The following PURB variants were observed in gnomAD, a reference collection of about 807,000 sequenced individuals.
PURB encodes the protein transcriptional regulator protein Pur-beta.
In PURB, 11 loss-of-function variants were observed where a neutral mutation model predicts 21.1. That is an observed-to-expected ratio of 0.52 (90% CI 0.33 to 0.86). The LOEUF is 0.86. PURB is among the 40% of genes least tolerant of loss of function. The pLI is 0.02. For missense variants in PURB, 357 were observed against 456.5 expected, an observed-to-expected ratio of 0.78 and a Z score of 1.99; for synonymous variants, 246 against 210.8, an observed-to-expected ratio of 1.17 and a Z score of -1.45.
At position 44,879,403 on chromosome 7, in the gene PURB, T is replaced by G. The variant is rs1052017134; in HGVS notation, c.*5007A>C. 2 of 47,946 alleles carry G rather than the reference T, an allele frequency of 4.2e-5. No homozygotes were observed. Among genetic ancestry groups the G allele is most frequent in the East Asian group, 6.8e-4 (2 of 2,936 alleles). The allele number at this position is 47,946 out of a possible 1,614,324, so 3.0% of individuals were successfully genotyped here. A position where few individuals can be genotyped will look rare whatever the true frequency, so the allele number is the denominator to read the frequency against. ...CTGTATTTTCTTAAGGTAAATGTGT[T>G]TTTTTTTTTTTCTTTTTTCTTTTCT... is the stretch of plus-strand genomic sequence containing the variant. On this transcript the variant is annotated 3_prime_UTR_variant, in exon 1 of 1. Transcript: ENST00000395699.
Position 44,884,381 on chromosome 7 carries a change from G to C in PURB, c.*29C>G, listed in dbSNP as rs765526976. The C allele has an allele frequency of 1.2e-6, 2 of 1,603,448 alleles. No homozygotes were observed. The highest frequency in any genetic ancestry group is 1.7e-6 in the Non-Finnish European group (2 of 1,175,256). On this transcript the variant is annotated 3_prime_UTR_variant, in exon 1 of 1. Transcript: ENST00000395699. ...CTCTAGCCAAGGGGATGGTGGTTGG[G>C]TGGAGGCCTGTAGGGGAAGCTGCCC...
In PURB at chr7:44,883,654, G is replaced by A. The variant is rs985872912; in HGVS notation, c.*756C>T. The A allele has an allele frequency of 1.3e-5, 2 of 152,602 alleles. No homozygotes were observed. Among genetic ancestry groups the A allele is most frequent in the East Asian group, 1.9e-4 (1 of 5,188 alleles). The allele number at this position is 152,602 out of a possible 1,614,324, so 9.5% of individuals were successfully genotyped here. A position where few individuals can be genotyped will look rare whatever the true frequency, so the allele number is the denominator to read the frequency against. On this transcript the variant is annotated 3_prime_UTR_variant, in exon 1 of 1. Coordinates refer to ENST00000395699, the MANE Select transcript of PURB (RefSeq NM_033224.5). Reference sequence around the variant, plus strand: ...TCAACTTTGAAACTATTTTAGTAACGGATTCTACTCCAAGCATTGCTATCT... The same window carrying A: ...TCAACTTTGAAACTATTTTAGTAACAGATTCTACTCCAAGCATTGCTATCT...
chr7:44,883,180 A>G lies in PURB; in HGVS notation c.*1230T>C, dbSNP rs993633067. ...AATGGATCAAGTTCTTAAAAATTTT[A>G]AAAGAATAAATGATGCTGGAATTCT... On this transcript the variant is annotated 3_prime_UTR_variant, in exon 1 of 1. Coordinates refer to ENST00000395699, the MANE Select transcript of PURB (RefSeq NM_033224.5). 2 of 152,628 alleles carry G rather than the reference A, an allele frequency of 1.3e-5. No individual in the cohort carries two copies. The highest frequency in any genetic ancestry group is 2.9e-5 in the Non-Finnish European group (2 of 68,042). The allele number at this position is 152,628 out of a possible 1,614,324, so 9.5% of individuals were successfully genotyped here.
rs1392982793 is a variant in PURB at position 44,880,015 on chromosome 7, A to C, written c.*4395T>G. ...TGTGACTTTTAGGGTGTACGAAATT[A>C]AAGTTGTTTTAAGAATTAAAAATAG... is the stretch of plus-strand genomic sequence containing the variant. On this transcript the variant is annotated 3_prime_UTR_variant, in exon 1 of 1. Transcript: ENST00000395699. The C allele has an allele frequency of 6.6e-6, 1 of 152,238 alleles. No individual in the cohort carries two copies. Among genetic ancestry groups the C allele is most frequent in the Non-Finnish European group, 1.5e-5 (1 of 68,038 alleles). 9.4% of individuals were successfully genotyped at this position (152,238 alleles called of 1,614,324 possible). A position where few individuals can be genotyped will look rare whatever the true frequency, so the allele number is the denominator to read the frequency against.
rs1793810532 is a variant in PURB at position 44,877,031 on chromosome 7, A to C, written c.*7379T>G. 1 of 152,596 alleles carries C rather than the reference A, an allele frequency of 6.6e-6. No individual in the cohort carries two copies. Among genetic ancestry groups the C allele is most frequent in the Non-Finnish European group, 1.5e-5 (1 of 68,030 alleles). The allele number at this position is 152,596 out of a possible 1,614,324, so 9.5% of individuals were successfully genotyped here. A position where few individuals can be genotyped will look rare whatever the true frequency, so the allele number is the denominator to read the frequency against. The stretch of plus-strand genomic sequence containing the variant: ...CACATTTTAAAGTAATTTCCAACCT[A>C]AACTCTAATTGTACATCTAGATCAG... On this transcript the variant is annotated 3_prime_UTR_variant, in exon 1 of 1. Coordinates refer to ENST00000395699, the MANE Select transcript of PURB (RefSeq NM_033224.5).
Position 44,877,405 on chromosome 7 carries a change from C to T in PURB, c.*7005G>A, listed in dbSNP as rs1793815281. The T allele has an allele frequency of 6.6e-6, 1 of 152,202 alleles. No individual in the cohort carries two copies. The highest frequency in any genetic ancestry group is 1.9e-4 in the East Asian group (1 of 5,206). 9.4% of individuals were successfully genotyped at this position (152,202 alleles called of 1,614,324 possible). A position where few individuals can be genotyped will look rare whatever the true frequency, so the allele number is the denominator to read the frequency against. ...GTCATTGAAAAATAACTCAGATTTA[C>T]TTGTCTACCGAAACGTGCAAAACCA... is the stretch of plus-strand genomic sequence containing the variant. On this transcript the variant is annotated 3_prime_UTR_variant, in exon 1 of 1. Coordinates refer to ENST00000395699, the MANE Select transcript of PURB (RefSeq NM_033224.5).
Position 44,884,299 on chromosome 7 carries a change from G to A in PURB, c.*111C>T. The A allele has an allele frequency of 1.3e-6, 2 of 1,506,088 alleles. No homozygotes were observed. The allele number at this position is 1,506,088 out of a possible 1,614,324, so 93.3% of individuals were successfully genotyped here. On this transcript the variant is annotated 3_prime_UTR_variant, in exon 1 of 1. Transcript: ENST00000395699. ...GTGTTACGTTTTGTTTTTTCCCTCT[G>A]CGGCCTCCCTTGCTCCCTCTCCACT...
At position 44,880,494 on chromosome 7, in the gene PURB, T is replaced by C. The variant is rs1240886987; in HGVS notation, c.*3916A>G. 1 of 152,672 alleles carries C rather than the reference T, an allele frequency of 6.5e-6. No homozygotes were observed. The highest frequency in any genetic ancestry group is 1.5e-5 in the Non-Finnish European group (1 of 68,052). The allele number at this position is 152,672 out of a possible 1,614,324, so 9.5% of individuals were successfully genotyped here. On this transcript the variant is annotated 3_prime_UTR_variant, in exon 1 of 1. Transcript: ENST00000395699. ...AAGATAGATGCAAAGTCACCTTGTG[T>C]AGATTACATTCTACACCCCTGTAAA...
Position 44,876,341 on chromosome 7 carries a change from T to C in PURB, c.*8069A>G, listed in dbSNP as rs1480866963. 1 of 152,662 alleles carries C rather than the reference T, an allele frequency of 6.6e-6. No homozygotes were observed. The highest frequency in any genetic ancestry group is 1.5e-5 in the Non-Finnish European group (1 of 68,046). 9.5% of individuals were successfully genotyped at this position (152,662 alleles called of 1,614,324 possible). A position where few individuals can be genotyped will look rare whatever the true frequency, so the allele number is the denominator to read the frequency against. ...TTTATTTGTTACAAACATACAATTTTTTTTAAATATAGACTGTAAAACTCC... is the reference window on the plus strand; with the variant it reads ...TTTATTTGTTACAAACATACAATTTCTTTTAAATATAGACTGTAAAACTCC... On this transcript the variant is annotated 3_prime_UTR_variant, in exon 1 of 1. Coordinates refer to ENST00000395699, the MANE Select transcript of PURB (RefSeq NM_033224.5).
Position 44,877,383 on chromosome 7 carries a change from A to G in PURB, c.*7027T>C, listed in dbSNP as rs957299072. 5.9e-5 allele frequency: 9 copies of G among 152,252 alleles called. No homozygotes were observed. The highest frequency in any genetic ancestry group is 1.0e-4 in the Non-Finnish European group (7 of 68,040). The allele number at this position is 152,252 out of a possible 1,614,324, so 9.4% of individuals were successfully genotyped here. On this transcript the variant is annotated 3_prime_UTR_variant, in exon 1 of 1. Coordinates refer to ENST00000395699, the MANE Select transcript of PURB (RefSeq NM_033224.5). Reference sequence around the variant, plus strand: ...GTTACTATTCAAATATTGGTAAGTCATTGAAAAATAACTCAGATTTACTTG... The same window carrying G: ...GTTACTATTCAAATATTGGTAAGTCGTTGAAAAATAACTCAGATTTACTTG...
At position 44,884,542 on chromosome 7, in the gene PURB, T is replaced by G. The variant is rs1333766078; in HGVS notation, c.807A>C (p.Gly269=). The change falls in exon 1 of 1, where the codon GGA becomes GGC. Residue 269 remains glycine, a synonymous_variant. Transcript: ENST00000395699. The stretch of plus-strand genomic sequence containing the variant: ...CATCCGCATACCGGCAAAAGGCGCC[T>G]CCGAACTTGCCCCAGGCTTTGAAGG... ...TVPFKAWGKF[G]GAFCRYADEM... The G allele has an allele frequency of 1.2e-6, 2 of 1,613,964 alleles. No homozygotes were observed. Among genetic ancestry groups the G allele is most frequent in the Non-Finnish European group, 1.7e-6 (2 of 1,180,024 alleles).
Position 44,884,582 on chromosome 7 carries a change from T to C in PURB, c.767A>G (p.Asn256Ser), listed in dbSNP as rs555145093. Residue 256 changes from asparagine (N) to serine (S), a missense_variant, in exon 1 of 1, where the codon AAT (asparagine) becomes AGT (serine). By Grantham distance (46) the Asn-to-Ser change is conservative (BLOSUM62 1). Transcript: ENST00000395699. ...GGCTTTGAAGGGTACGGTGATGGCA[T>C]TGCGGTAGGACGGCTTCACCTCGCT... ...RVSEVKPSYR[N>S]AITVPFKAWG... 5.6e-6 allele frequency: 9 copies of C among 1,614,170 alleles called. No individual in the cohort carries two copies. The highest frequency in any genetic ancestry group is 1.3e-5 in the African/African-American group (1 of 75,054).
rs769514146 is a variant in PURB, at chr7:44,885,152, G to C, written c.197C>G (p.Ala66Gly). The change falls in exon 1 of 1, where the codon GCG becomes GGG. Residue 66 changes from alanine (A) to glycine (G), a missense_variant. Transcript: ENST00000395699. ...GRFLKIAEVGAGGSKSRLTLS... is the reference protein window; with the variant it reads ...GRFLKIAEVGGGGSKSRLTLS... ...CGTGAGGCGGCTCTTGGAACCGCCC[G>C]CGCCCACCTCGGCGATCTTGAGGAA... 6.4e-7 allele frequency: 1 copy of C among 1,572,190 alleles called. No homozygotes were observed. Among genetic ancestry groups the C allele is most frequent in the African/African-American group, 1.4e-5 (1 of 70,540 alleles).
rs1010958678 is a variant in PURB, at chr7:44,885,488, C to A, written c.-140G>T. The A allele has an allele frequency of 3.6e-4, 66 of 183,586 alleles. 1 individual carries two copies. The highest frequency in any genetic ancestry group is 1.1e-3 in the African/African-American group (46 of 41,986). 11.4% of individuals were successfully genotyped at this position (183,586 alleles called of 1,614,324 possible). A position where few individuals can be genotyped will look rare whatever the true frequency, so the allele number is the denominator to read the frequency against. ...CTCATCGCCGGCCGCCGCCGCCCCC[C>A]CATCGCCTCCGCGCCCCGCCCCCGC... On this transcript the variant is annotated 5_prime_UTR_variant, in exon 1 of 1. Transcript: ENST00000395699.
At position 44,885,108 on chromosome 7, in the gene PURB, C is replaced by A; in HGVS notation, c.241G>T (p.Ala81Ser). The A allele has an allele frequency of 1.3e-6, 2 of 1,573,620 alleles. No individual in the cohort carries two copies. Among genetic ancestry groups the A allele is most frequent in the Admixed American group, 1.8e-5 (1 of 54,838 alleles). The change falls in exon 1 of 1, where the codon GCC becomes TCC. Residue 81 changes from alanine to serine, a missense_variant. Ala to Ser is a moderately conservative substitution (Grantham distance 99, BLOSUM62 1). Transcript: ENST00000395699. ...TCGCCCAGCGAGTCGCGGAACTCGGCGGCCACCGCCATGGACAGCGTGAGG... is the reference window on the plus strand; with the variant it reads ...TCGCCCAGCGAGTCGCGGAACTCGGAGGCCACCGCCATGGACAGCGTGAGG... ...SRLTLSMAVA[A>S]EFRDSLGDFI...
At position 44,881,216 on chromosome 7, in the gene PURB, G is replaced by C. The variant is rs938690914; in HGVS notation, c.*3194C>G. On this transcript the variant is annotated 3_prime_UTR_variant, in exon 1 of 1. Coordinates refer to ENST00000395699, the MANE Select transcript of PURB (RefSeq NM_033224.5). The stretch of plus-strand genomic sequence containing the variant: ...GAATATGACTATTTTGATTAGCTGG[G>C]ATGTTTGCCAAGCTTAAAAAAAAAG... 6.6e-6 allele frequency: 1 copy of C among 151,888 alleles called. No individual in the cohort carries two copies. The highest frequency in any genetic ancestry group is 6.6e-5 in the Admixed American group (1 of 15,242). The allele number at this position is 151,888 out of a possible 1,614,324, so 9.4% of individuals were successfully genotyped here. A position where few individuals can be genotyped will look rare whatever the true frequency, so the allele number is the denominator to read the frequency against.
chr7:44,884,811 T>A lies in PURB; in HGVS notation c.538A>T (p.Ile180Phe). 1 of 1,594,550 alleles carries A rather than the reference T, an allele frequency of 6.3e-7. No individual in the cohort carries two copies. Among genetic ancestry groups the A allele is most frequent in the Non-Finnish European group, 8.5e-7 (1 of 1,171,572 alleles). The change falls in exon 1 of 1, where the codon ATC becomes TTC. Residue 180 changes from isoleucine to phenylalanine, a missense_variant. By Grantham distance (21) the Ile-to-Phe change is conservative. Transcript: ENST00000395699. ...TTCGCCAGCGCGTCGCGGAACTCGA[T>A]GAGGCCCTGCGCAGGCAGCGCGATG... ...QTIALPAQGL[I>F]EFRDALAKLI...
chr7:44,882,734 G>A lies in PURB; in HGVS notation c.*1676C>T, dbSNP rs1793895604. ...GTTTAAAAAAAATACTAAGATTGTG[G>A]AGGCGGGGTTACTTGCCTCCTGGTT... is the stretch of plus-strand genomic sequence containing the variant. On this transcript the variant is annotated 3_prime_UTR_variant, in exon 1 of 1. Transcript: ENST00000395699. 6.6e-6 allele frequency: 1 copy of A among 152,182 alleles called. No homozygotes were observed. The highest frequency in any genetic ancestry group is 2.4e-5 in the African/African-American group (1 of 41,450). 9.4% of individuals were successfully genotyped at this position (152,182 alleles called of 1,614,324 possible).
rs1248185773 is a variant in PURB, at chr7:44,883,969, G to A, written c.*441C>T. 7 of 167,850 alleles carry A rather than the reference G, an allele frequency of 4.2e-5. No homozygotes were observed. Among genetic ancestry groups the A allele is most frequent in the Non-Finnish European group, 7.8e-5 (6 of 77,384 alleles). 10.4% of individuals were successfully genotyped at this position (167,850 alleles called of 1,614,324 possible). A position where few individuals can be genotyped will look rare whatever the true frequency, so the allele number is the denominator to read the frequency against. ...CAATGGAGGTGAAGGGATAGACACC[G>A]CAACAGTGAGGCCTAGAGAGATCTT... On this transcript the variant is annotated 3_prime_UTR_variant, in exon 1 of 1. Coordinates refer to ENST00000395699, the MANE Select transcript of PURB (RefSeq NM_033224.5).
Sources: allele counts gnomAD v4.1 joint callset, GRCh38; gene constraint gnomAD v4.1.1; transcripts MANE v1.5; gene names NCBI Gene and HGNC (gene_info 2026-07-23, HGNC 2026-07-21).